The following DNAAF9 variants were observed in gnomAD, a reference collection of about 807,000 sequenced individuals.
DNAAF9 encodes the protein dynein axonemal assembly factor 9.
A neutral mutation model predicts 167.0 loss-of-function variants in DNAAF9; 90 were observed. The observed-to-expected ratio is 0.54, with a 90% CI of 0.45 to 0.64. The LOEUF (loss-of-function observed/expected upper bound fraction) is 0.64, where lower values mean the gene tolerates loss of function less well. DNAAF9 is among the 30% of genes least tolerant of loss of function. DNAAF9 has a pLI of 0.00. For synonymous variants in DNAAF9, 491 were observed against 508.8 expected (o/e 0.96, Z 0.47); for missense variants, 1,315 against 1,442.2 (o/e 0.91, Z 1.43).
At chr20:3,365,264 T>C (rs6037578) in intron 6 of DNAAF9, among the ~76,000 whole-genome samples, 30,877 of 152,036 alleles carry the variant, frequency 0.2, 3,413 homozygotes, top group African/African-American at 0.27. Flanking sequence ...CACAATCCAC[T>C]ATGCCAGCAG....
At chr20:3,354,978 C>T (rs1030746608) in intron 7 of DNAAF9, among the ~76,000 whole-genome samples, 2 of 152,080 alleles carry the variant, frequency 1.3e-5, no homozygotes, top group Non-Finnish European at 2.9e-5. Flanking sequence ...GATGCTCTCC[C>T]GAGTGGACCC....
In DNAAF9 at chr20:3,376,271, G is replaced by A. The variant is rs764443808; in HGVS notation, c.315C>T (p.Val105=). Residue 105 remains valine (V), a synonymous_variant, in exon 4 of 37, where the codon GTC becomes GTT. Coordinates refer to ENST00000252032, the MANE Select transcript of DNAAF9 (RefSeq NM_001009984.3). ...DVIILIKSDS[V]HLYCNPVNFR... is the part of the protein sequence containing the mutation. ...AGTTTACAGGATTACAGTACAGATG[G>A]ACGCTATCCGATTTAATCAATATAA... 39 of 1,611,700 alleles carry A rather than the reference G, an allele frequency of 2.4e-5. No homozygotes were observed. Among genetic ancestry groups the A allele is most frequent in the Non-Finnish European group, 3.3e-5 (39 of 1,178,538 alleles).
At chr20:3,336,113 A>T (rs1343063007) in intron 10 of DNAAF9, among the ~76,000 whole-genome samples, 1 of 152,006 alleles carries the variant, frequency 6.6e-6, no homozygotes. Context: ...ACAGAGCGAG[A>T]CCCCATTTCA....
chr20:3,403,427 ACTTC>A (rs1308347805), intron 1 of DNAAF9, among the ~76,000 whole-genome samples: 1 of 151,448 alleles, frequency 6.6e-6, no homozygotes, highest in African/African-American at 2.4e-5. Context: ...TCAGAAGAGA[ACTTC>A]CACTTTCTCC....
chr20:3,368,468 C>T (rs1568631998), intron 6 of DNAAF9, among the ~76,000 whole-genome samples: 1 of 147,080 alleles, frequency 6.8e-6, no homozygotes, highest in African/African-American at 2.5e-5. Context: ...TCCTGGAAGC[C>T]TTTTTTTTTC....
At chr20:3,281,891 TGGTCCCTTGGTG>T in intron 27 of DNAAF9, 125 bp from the exon 28 acceptor site, 2 of 837,406 alleles carry the variant, frequency 2.4e-6, no homozygotes, top group Admixed American at 5.2e-5. Context: ...GCCCGCAATC[TGGTCCCTTGGTG>T]TCACTCCACT....
rs57727958 is a variant in DNAAF9, at chr20:3,319,262, C to CAA, written c.1357-864_1357-863dup. 1.8e-3 allele frequency among the ~76,000 whole-genome samples: 74 copies of CAA among 41,562 alleles called. 8 individuals carry two copies. The highest frequency in any genetic ancestry group is 3.6e-3 in the African/African-American group (54 of 15,088). 27.3% of individuals were successfully genotyped at this position (41,562 alleles called of 152,430 possible). Reference sequence around the variant, plus strand: ...TGGGCAACGGACCGAGACCCCGTCTCAAAAAAAAAAAAAAAAAAAAAAAAA... The same window carrying CAA: ...TGGGCAACGGACCGAGACCCCGTCTCAAAAAAAAAAAAAAAAAAAAAAAAAAA... On this transcript the variant is annotated intron_variant, in intron 16 of 36. Coordinates refer to ENST00000252032, the MANE Select transcript of DNAAF9 (RefSeq NM_001009984.3).
At chr20:3,290,307 T>C (rs1288392976) in intron 25 of DNAAF9, 90 bp from the exon 26 acceptor site, 3 of 844,346 alleles carry the variant, frequency 3.6e-6, no homozygotes, top group East Asian at 2.4e-5. Flanking sequence ...GTGCCAAGCA[T>C]TGTGGGTGTG....
chr20:3,323,497 G>T (rs989970118), intron 14 of DNAAF9, among the ~76,000 whole-genome samples: 2 of 151,998 alleles, frequency 1.3e-5, no homozygotes, highest in Non-Finnish European at 2.9e-5. Flanking sequence ...GGTCAGGATG[G>T]TCTTGAACTC....
intron 5 of DNAAF9, 146 bp downstream of exon 5, chr20:3,374,884 C>T: frequency 6.4e-6 from 4 of 627,058 alleles, no homozygotes; most frequent in Middle Eastern, 2.8e-4. Flanking sequence ...CAGAAAAGTC[C>T]CCATACTTAA....
intron 26 of DNAAF9, among the ~76,000 whole-genome samples, chr20:3,289,002 T>C (rs2068902108): frequency 6.6e-6 from 1 of 152,194 alleles, no homozygotes; most frequent in African/African-American, 2.4e-5. Flanking sequence ...TTAAAGTCTC[T>C]GCTCAAATAT....
At chr20:3,361,994 T>C (rs1463679638) in intron 6 of DNAAF9, 1 of 1,528,298 alleles carries the variant, frequency 6.5e-7, no homozygotes, top group Non-Finnish European at 9.1e-7. Flanking sequence ...AATTCTGCCA[T>C]TTTGCTAGCA....
In DNAAF9 at chr20:3,298,021, G is replaced by A. The variant is rs183986166; in HGVS notation, c.1929+8C>T. Reference sequence around the variant, plus strand: ...GTAGTAGTTTTGCTGAATAATGACTGATATTACCTCTGAGTAAAATGCTTG... The same window carrying A: ...GTAGTAGTTTTGCTGAATAATGACTAATATTACCTCTGAGTAAAATGCTTG... On this transcript the variant is annotated splice_region_variant and intron_variant, in intron 22 of 36. Coordinates refer to ENST00000252032, the MANE Select transcript of DNAAF9 (RefSeq NM_001009984.3). 6.2e-6 allele frequency: 10 copies of A among 1,607,656 alleles called. No homozygotes were observed. In the East Asian group the frequency reaches 2.2e-4, roughly 36 times the overall value.
At chr20:3,293,667 A>C (rs1397908738) in intron 25 of DNAAF9, among the ~76,000 whole-genome samples, 12 of 29,878 alleles carry the variant, frequency 4.0e-4, no homozygotes, top group Admixed American at 2.5e-3. Flanking sequence ...CCTGGGTGAC[A>C]AAAAAAAAAA....
Position 3,374,095 on chromosome 20 carries a change from C to CA in DNAAF9, c.564dup (p.Ala189CysfsTer3). 6.2e-7 allele frequency: 1 copy of CA among 1,613,832 alleles called. No homozygotes were observed. The highest frequency in any genetic ancestry group is 8.5e-7 in the Non-Finnish European group (1 of 1,179,738). On this transcript the variant is annotated frameshift_variant, in exon 6 of 37. Transcript: ENST00000252032. LOFTEE classifies it high-confidence loss of function. ...CCATCCCCTCCAATGCCCTCAAGTG[C>CA]AAAGGCCTGTACAATTGGCCATTTC...
intron 29 of DNAAF9, among the ~76,000 whole-genome samples, chr20:3,277,427 C>G (rs1160746546): frequency 6.6e-6 from 1 of 152,194 alleles, no homozygotes; most frequent in Non-Finnish European, 1.5e-5. Context: ...TGGATACTGG[C>G]TGACTACAGT....
chr20:3,326,154 TAA>T (rs754040799), intron 13 of DNAAF9, 41 bp downstream of exon 13: 1 of 1,350,342 alleles, frequency 7.4e-7, no homozygotes, highest in South Asian at 1.2e-5. Flanking sequence ...TGTTTTACAT[TAA>T]AATAATAATT....
intron 23 of DNAAF9, chr20:3,296,532 C>G (rs1288109997): frequency 6.4e-6 from 2 of 311,938 alleles, no homozygotes; most frequent in African/African-American, 4.3e-5. Context: ...CATGTGCCAC[C>G]ATACCCAGCT....
chr20:3,339,871 C>G (rs1428133043), intron 10 of DNAAF9, among the ~76,000 whole-genome samples: 2 of 152,194 alleles, frequency 1.3e-5, no homozygotes, highest in Non-Finnish European at 2.9e-5. Context: ...GCCTGGGTGA[C>G]AGAGTGAGAC....
Sources: gnomAD v4.1 joint callset for allele counts (sites outside exome capture counted in the v4.1 genomes callset) on GRCh38, gnomAD v4.1.1 for gene constraint, MANE v1.5 for transcripts, NCBI Gene and HGNC (gene_info 2026-07-23, HGNC 2026-07-21) for gene names.